The following AFF2 variants were observed in gnomAD, a reference collection of about 807,000 sequenced individuals.
AFF2 encodes the protein ALF transcription elongation factor 2.
In AFF2, 14 loss-of-function variants were observed where a neutral mutation model predicts 76.9. The observed-to-expected ratio is 0.18, with a 90% CI of 0.12 to 0.28. The LOEUF (loss-of-function observed/expected upper bound fraction) is 0.28, where lower values mean the gene tolerates loss of function less well. Ranked by LOEUF, AFF2 falls within the 10% of genes least tolerant of loss-of-function variation. The pLI is 1.00. For synonymous variants in AFF2, 398 were observed against 366.7 expected (o/e 1.09, Z -0.98); for missense variants, 868 against 1,001.1 (o/e 0.87, Z 1.79).
intron 9 of AFF2, among the ~76,000 whole-genome samples, chrX:148,913,432 A>G (rs2124237916): frequency 8.9e-6 from 1 of 112,685 alleles, no homozygotes; most frequent in East Asian, 2.8e-4. Context: ...CTTCAATTAT[A>G]TTAAATTTAT....
intron 3 of AFF2, among the ~76,000 whole-genome samples, chrX:148,688,120 C>T (rs2054616572): frequency 9.0e-6 from 1 of 111,422 alleles, no homozygotes; most frequent in Non-Finnish European, 1.9e-5. Flanking sequence ...AACACTTTGG[C>T]CATCACCTTA....
intron 1 of AFF2, among the ~76,000 whole-genome samples, chrX:148,580,252 G>A (rs1323843935): frequency 9.0e-6 from 1 of 111,428 alleles, no homozygotes; most frequent in Non-Finnish European, 1.9e-5. Context: ...CTGGTTATGA[G>A]TCAGTGAAGC....
intron 1 of AFF2, among the ~76,000 whole-genome samples, chrX:148,507,220 C>T (rs2052430438): frequency 8.9e-6 from 1 of 112,304 alleles, no homozygotes; most frequent in Non-Finnish European, 1.9e-5. Flanking sequence ...CTTTTCATGT[C>T]TCTTAGCCAG....
chrX:148,588,275 T>G (rs1277135885), intron 1 of AFF2, among the ~76,000 whole-genome samples: 1 of 113,046 alleles, frequency 8.8e-6, no homozygotes, highest in Non-Finnish European at 1.9e-5. Flanking sequence ...AAGTTACTCC[T>G]TGAAGTGACG....
At chrX:148,720,371 C>G (rs781815087) in intron 3 of AFF2, among the ~76,000 whole-genome samples, 2 of 109,771 alleles carry the variant, frequency 1.8e-5, no homozygotes, top group East Asian at 2.9e-4. Flanking sequence ...CCATCCTCCC[C>G]CTTTCTTCCT....
chrX:148,663,382 T>A (rs2054327401), intron 3 of AFF2, among the ~76,000 whole-genome samples: 1 of 112,430 alleles, frequency 8.9e-6, no homozygotes, highest in African/African-American at 3.2e-5. Flanking sequence ...TTTATTCTAC[T>A]TTCATCCTTT....
intron 1 of AFF2, among the ~76,000 whole-genome samples, chrX:148,572,429 G>A (rs1416910641): frequency 8.9e-6 from 1 of 112,132 alleles, no homozygotes; most frequent in African/African-American, 3.2e-5. Flanking sequence ...TAATATTTAA[G>A]ACATATGTCC....
chrX:148,614,737 CT>C (rs782702490), intron 1 of AFF2, among the ~76,000 whole-genome samples: 2,878 of 45,594 alleles, frequency 0.063, 86 homozygotes, highest in Non-Finnish European at 0.073. Flanking sequence ...TTCTTTCCTT[CT>C]TTTCTTTCTT....
chrX:148,868,396 T>A (rs947505235), intron 7 of AFF2, among the ~76,000 whole-genome samples: 3 of 112,009 alleles, frequency 2.7e-5, no homozygotes, highest in Admixed American at 9.5e-5. Flanking sequence ...GCCGAAGTTA[T>A]GCTTTAGAAT....
intron 16 of AFF2, among the ~76,000 whole-genome samples, chrX:148,974,928 T>C (rs192960743): frequency 8.9e-6 from 1 of 112,195 alleles, no homozygotes; most frequent in East Asian, 2.8e-4. Flanking sequence ...CTGGCAAAAA[T>C]CATAAGGATT....
In AFF2 at chrX:148,991,260, C is replaced by A; in HGVS notation, c.3864C>A (p.Ser1288Arg). The A allele has an allele frequency of 8.3e-7, 1 of 1,209,745 alleles. No homozygotes were observed. The highest frequency in any genetic ancestry group is 1.1e-6 in the Non-Finnish European group (1 of 894,317). Reference protein sequence around the residue: ...DTLMGPLTQHSSMTNLVRYVR... With the variant: ...DTLMGPLTQHRSMTNLVRYVR... ...TGATGGGGCCTCTGACCCAGCACAG[C>A]AGCATGACCAATCTTGTCCGCTACG... The change falls in exon 21 of 21, where the codon AGC becomes AGA. Residue 1288 changes from serine to arginine, a missense_variant. Transcript: ENST00000370460.
At chrX:148,709,865 G>A (rs190325093) in intron 3 of AFF2, among the ~76,000 whole-genome samples, 27 of 112,162 alleles carry the variant, frequency 2.4e-4, no homozygotes, top group Admixed American at 2.1e-3. Flanking sequence ...CTGGAAGGCA[G>A]GGTTTTAAGA....
At chrX:148,786,715 G>T (rs1159720051) in intron 3 of AFF2, among the ~76,000 whole-genome samples, 2 of 112,056 alleles carry the variant, frequency 1.8e-5, no homozygotes, top group African/African-American at 3.2e-5. Flanking sequence ...GGTACTGGGG[G>T]TTAGGAATTC....
chrX:148,971,743 ATTTCTT>A (rs2072256390), intron 15 of AFF2, among the ~76,000 whole-genome samples: 1 of 13,928 alleles, frequency 7.2e-5, no homozygotes. Context: ...TTTTTTTTCT[ATTTCTT>A]TTTTTTTTTT....
At chrX:148,577,074 G>T in intron 1 of AFF2, among the ~76,000 whole-genome samples, 1 of 111,502 alleles carries the variant, frequency 9.0e-6, no homozygotes, top group East Asian at 2.8e-4. Context: ...TATCTCTAAG[G>T]TATCACATCC....
At chrX:148,840,529 T>C (rs1057084573) in intron 5 of AFF2, among the ~76,000 whole-genome samples, 4 of 112,598 alleles carry the variant, frequency 3.6e-5, no homozygotes, top group African/African-American at 1.3e-4. Flanking sequence ...GAACTTCTGA[T>C]TTTAGGATTA....
At chrX:148,769,263 T>C (rs937342419) in intron 3 of AFF2, among the ~76,000 whole-genome samples, 6 of 112,049 alleles carry the variant, frequency 5.4e-5, no homozygotes, top group Non-Finnish European at 9.4e-5. Context: ...AGGCAAGATG[T>C]GCCTTCCTTC....
intron 1 of AFF2, among the ~76,000 whole-genome samples, chrX:148,555,106 G>A (rs781865699): frequency 8.0e-5 from 9 of 112,030 alleles, no homozygotes; most frequent in African/African-American, 2.6e-4. Flanking sequence ...CTCTGGGATC[G>A]CTTCTGTGTT....
chrX:148,909,476 C>G (rs1257570001), intron 9 of AFF2, among the ~76,000 whole-genome samples: 3 of 111,918 alleles, frequency 2.7e-5, no homozygotes, highest in Non-Finnish European at 3.8e-5. Context: ...CTTAACCACT[C>G]TTTCAATTTA....
Sources: allele counts gnomAD v4.1 joint callset (sites outside exome capture counted in the v4.1 genomes callset), GRCh38; gene constraint gnomAD v4.1.1; transcripts MANE v1.5; gene names NCBI Gene and HGNC (gene_info 2026-07-23, HGNC 2026-07-21).